The following COL4A3 variants were observed in gnomAD, a reference collection of about 807,000 sequenced individuals.
COL4A3 encodes collagen alpha-3(IV) chain.
Under a neutral mutation model 217.4 loss-of-function variants are expected in COL4A3, and 135 were observed. The ratio of observed to expected loss-of-function variants is 0.62; its 90% confidence interval spans 0.54 to 0.72. The LOEUF (loss-of-function observed/expected upper bound fraction) is 0.72. Among genes scored for constraint, COL4A3 ranks in the 30% least tolerant of loss-of-function variants. The pLI, the probability that COL4A3 is intolerant of heterozygous loss-of-function variation, is 0.00. For synonymous variants in COL4A3, 690 were observed against 736.3 expected, an observed-to-expected ratio of 0.94 and a Z score of 1.02; for missense variants, 1,868 against 2,119.9, an observed-to-expected ratio of 0.88 and a Z score of 2.33.
intron 21 of COL4A3, among the ~76,000 whole-genome samples, chr2:227,266,198 A>T (rs2070880750): frequency 6.6e-6 from 1 of 152,176 alleles, no homozygotes; most frequent in Non-Finnish European, 1.5e-5. Context: ...AAATTATACA[A>T]TGAGCTTTCA....
chr2:227,208,765 T>TAC (rs60244094), intron 1 of COL4A3, among the ~76,000 whole-genome samples: 12,920 of 138,336 alleles, frequency 0.093, 597 homozygotes, highest in East Asian at 0.12. Flanking sequence ...GGCGGTTGGT[T>TAC]ACACACACAC....
rs572598267 is a variant in COL4A3, at chr2:227,226,472, T to TTTG, written c.88-11493_88-11491dup. Among the ~76,000 whole-genome samples the TTTG allele has an allele frequency of 2.4e-3, 279 of 118,090 alleles. 5 individuals carry two copies. The South Asian group carries it at 0.057, about 24-fold the overall frequency. 77.5% of individuals were successfully genotyped at this position (118,090 alleles called of 152,430 possible). ...TTTAAGTTTCTATTCTAATGTTAGG[T>TTTG]TTGTTTTTTTTTTTTTAGATGGAGT... On this transcript the variant is annotated intron_variant, in intron 1 of 51. Coordinates refer to ENST00000396578, the MANE Select transcript of COL4A3 (RefSeq NM_000091.5).
chr2:227,298,655 A>G, intron 42 of COL4A3, 27 bp from the exon 43 acceptor site: 1 of 1,613,016 alleles, frequency 6.2e-7, no homozygotes, highest in Non-Finnish European at 8.5e-7. Flanking sequence ...CTGGCTGGCA[A>G]TACTGACAGA....
rs1237310246 is a variant in COL4A3 at position 227,312,570 on chromosome 2, A to G, written c.*700A>G. On this transcript the variant is annotated 3_prime_UTR_variant, in exon 52 of 52. Coordinates refer to ENST00000396578, the MANE Select transcript of COL4A3 (RefSeq NM_000091.5). Reference sequence around the variant, plus strand: ...TTTGTTTGTTTATTGAATTCATTTCACTGTAGCTCTAAAATCTGCTTGTAT... The same window carrying G: ...TTTGTTTGTTTATTGAATTCATTTCGCTGTAGCTCTAAAATCTGCTTGTAT... 2.6e-5 allele frequency: 4 copies of G among 152,374 alleles called. No homozygotes were observed. The highest frequency in any genetic ancestry group is 9.7e-5 in the African/African-American group (4 of 41,440). 9.4% of individuals were successfully genotyped at this position (152,374 alleles called of 1,614,324 possible).
At chr2:227,199,381 A>G (rs1269975865) in intron 1 of COL4A3, among the ~76,000 whole-genome samples, 1 of 152,216 alleles carries the variant, frequency 6.6e-6, no homozygotes, top group African/African-American at 2.4e-5. Context: ...TGCCCCTGGC[A>G]TACTATCATC....
chr2:227,301,217 C>T (rs1012372406), intron 43 of COL4A3, among the ~76,000 whole-genome samples: 1 of 152,166 alleles, frequency 6.6e-6, no homozygotes, highest in Non-Finnish European at 1.5e-5. Flanking sequence ...ATCCTTGTTG[C>T]TCTATGCAGC....
chr2:227,272,937 C>T lies in COL4A3; in HGVS notation c.1759-12C>T, dbSNP rs756966450. ...AATGAAGCACGATTCAAACACATTC[C>T]TGTTGTCACAGGCTCTGAGTGGTGA... On this transcript the variant is annotated splice_polypyrimidine_tract_variant and intron_variant, in intron 25 of 51. Transcript: ENST00000396578. The T allele has an allele frequency of 6.2e-7, 1 of 1,613,908 alleles. No homozygotes were observed. The highest frequency in any genetic ancestry group is 8.5e-7 in the Non-Finnish European group (1 of 1,179,888).
chr2:227,284,325 A>G lies in COL4A3; in HGVS notation c.2861A>G (p.Lys954Arg). 2 of 1,613,984 alleles carry G rather than the reference A, an allele frequency of 1.2e-6. No individual in the cohort carries two copies. The highest frequency in any genetic ancestry group is 1.7e-6 in the Non-Finnish European group (2 of 1,179,972). ...PSEISHVIGD[K>R]GEPGLKGFAG... ...GAGATATCCCACGTAATAGGGGACA[A>G]AGGAGAACCAGGTCTCAAAGGTAAA... Residue 954 changes from lysine to arginine, a missense_variant, in exon 34 of 52, where the codon AAA (lysine) becomes AGA (arginine). Transcript: ENST00000396578.
In COL4A3 at chr2:227,191,688, T is replaced by C. The variant is rs548056483; in HGVS notation, c.87+26875T>C. Among the ~76,000 whole-genome samples, 35 of 152,350 alleles carry C rather than the reference T, an allele frequency of 2.3e-4. No homozygotes were observed. The highest frequency in any genetic ancestry group is 7.5e-4 in the African/African-American group (31 of 41,580). On this transcript the variant is annotated intron_variant, in intron 1 of 51. Transcript: ENST00000396578. This position sits in a 1 kb window ranked among gnomAD's most constrained non-coding sequence, Gnocchi z 6.8. ...TGGCCTGCAAGAAACTTTATTCTAATAAAAGACAACTGTGTTTACAACTAC... is the reference window on the plus strand; with the variant it reads ...TGGCCTGCAAGAAACTTTATTCTAACAAAAGACAACTGTGTTTACAACTAC...
chr2:227,259,744 G>A (rs971944484), intron 18 of COL4A3, 49 bp from the exon 19 acceptor site: 1 of 1,324,924 alleles, frequency 7.5e-7, no homozygotes, highest in Non-Finnish European at 1.1e-6. Flanking sequence ...TTGGTGAGCT[G>A]TCCATAAATA....
At chr2:227,201,870 G>A (rs918567714) in intron 1 of COL4A3, among the ~76,000 whole-genome samples, 5 of 152,160 alleles carry the variant, frequency 3.3e-5, no homozygotes, top group Non-Finnish European at 7.4e-5. Context: ...CACTGGTCTA[G>A]TTTGCCATTA....
chr2:227,307,744 AG>A lies in COL4A3; in HGVS notation c.4289del (p.Gly1430GlufsTer99). ...AGSDGLPGLK[G>X]KRGDSGSPAT... Reference sequence around the variant, plus strand: ...GATCAGATGGATTGCCAGGTTTGAAAGGAAAACGTGGAGACAGTGGATCACC... The same window carrying A: ...GATCAGATGGATTGCCAGGTTTGAAAGAAAACGTGGAGACAGTGGATCACC... On this transcript the variant is annotated frameshift_variant, in exon 48 of 52. Coordinates refer to ENST00000396578, the MANE Select transcript of COL4A3 (RefSeq NM_000091.5). LOFTEE classifies it high-confidence loss of function. 6.2e-7 allele frequency: 1 copy of A among 1,614,234 alleles called. No individual in the cohort carries two copies. The highest frequency in any genetic ancestry group is 1.3e-5 in the African/African-American group (1 of 75,066).
rs369469526 is a variant in COL4A3, at chr2:227,195,126, A to T, written c.87+30313A>T. Among the ~76,000 whole-genome samples, 241 of 152,294 alleles carry T rather than the reference A, an allele frequency of 1.6e-3. 2 individuals carry two copies. Among genetic ancestry groups the T allele is most frequent in the African/African-American group, 5.6e-3 (231 of 41,566 alleles). On this transcript the variant is annotated intron_variant, in intron 1 of 51. Coordinates refer to ENST00000396578, the MANE Select transcript of COL4A3 (RefSeq NM_000091.5). ...AGAAATGACTGTTAGGCTATTCAAC[A>T]GTTCGGTGCATAGAGAAAAATGATG... is the stretch of plus-strand genomic sequence containing the variant.
chr2:227,298,323 G>A (rs2073124623), intron 42 of COL4A3, among the ~76,000 whole-genome samples: 1 of 152,066 alleles, frequency 6.6e-6, no homozygotes, highest in Non-Finnish European at 1.5e-5. Flanking sequence ...CTGCACTGCA[G>A]CCTGGGCAAC....
chr2:227,203,206 TATATACACAC>T (rs1159706736), intron 1 of COL4A3, among the ~76,000 whole-genome samples: 3 of 29,132 alleles, frequency 1.0e-4, no homozygotes, highest in Admixed American at 4.2e-4. Context: ...CATATATGTG[TATATACACAC>T]ATATATGTGT....
At chr2:227,287,845 C>G (rs2072432243) in intron 34 of COL4A3, among the ~76,000 whole-genome samples, 1 of 152,184 alleles carries the variant, frequency 6.6e-6, no homozygotes, top group Non-Finnish European at 1.5e-5. Context: ...GCCTGTCTCC[C>G]CAGTTAAACA....
At chr2:227,302,963 A>T in intron 43 of COL4A3, 75 bp from the exon 44 acceptor site, 3 of 953,328 alleles carry the variant, frequency 3.1e-6, no homozygotes, top group Non-Finnish European at 5.2e-6. Flanking sequence ...CCCTATTTGC[A>T]TTTTTAAAAA....
chr2:227,191,157 C>G lies in COL4A3; in HGVS notation c.87+26344C>G, dbSNP rs748435933. Among the ~76,000 whole-genome samples, 1 of 152,058 alleles carries G rather than the reference C, an allele frequency of 6.6e-6. No individual in the cohort carries two copies. The highest frequency in any genetic ancestry group is 1.5e-5 in the Non-Finnish European group (1 of 68,012). ...TTTGACATTTAAATTTTCTCAACCA[C>G]TTTGCTCTTTTTGGATACTTGGGGA... On this transcript the variant is annotated intron_variant, in intron 1 of 51. Transcript: ENST00000396578. The surrounding 1 kb of genome is among the most constrained non-coding windows in gnomAD (Gnocchi z 6.8).
At chr2:227,184,688 A>G (rs2065959858) in intron 1 of COL4A3, among the ~76,000 whole-genome samples, 1 of 151,932 alleles carries the variant, frequency 6.6e-6, no homozygotes, top group Admixed American at 6.6e-5. Flanking sequence ...TACTCAAAAT[A>G]TAAAATAGTG....
Sources: allele counts gnomAD v4.1 joint callset (sites outside exome capture counted in the v4.1 genomes callset), GRCh38; gene constraint gnomAD v4.1.1; non-coding constraint Gnocchi (gnomAD v3.1); transcripts MANE v1.5; gene names NCBI Gene and HGNC (gene_info 2026-07-23, HGNC 2026-07-21).